Variants in LHFPL2 observed in about 807,000 individuals in gnomAD.
LHFPL2 encodes LHFPL tetraspan subfamily member 2.
A neutral mutation model predicts 17.5 loss-of-function variants in LHFPL2; 7 were observed. The observed-to-expected ratio is 0.40, with a 90% CI of 0.23 to 0.75. The LOEUF (loss-of-function observed/expected upper bound fraction) is 0.75, where lower values mean the gene tolerates loss of function less well. Among genes scored for constraint, LHFPL2 ranks in the 30% least tolerant of loss-of-function variants. The pLI is 0.37. For synonymous variants in LHFPL2, 134 were observed against 116.2 expected (o/e 1.15, Z -0.99); for missense variants, 241 against 294.8 (o/e 0.82, Z 1.34).
At chr5:78,529,116 A>AG (rs2112354691) in intron 3 of LHFPL2, among the ~76,000 whole-genome samples, 1 of 151,970 alleles carries the variant, frequency 6.6e-6, no homozygotes, top group East Asian at 1.9e-4. Flanking sequence ...GTCTCTGAAA[A>AG]AAAAAAAAAG....
chr5:78,639,208 C>T (rs906255853), intron 1 of LHFPL2, among the ~76,000 whole-genome samples: 4 of 152,174 alleles, frequency 2.6e-5, no homozygotes, highest in African/African-American at 4.8e-5. Context: ...GTGGCCTCTT[C>T]ACCCATACTG....
intron 2 of LHFPL2, among the ~76,000 whole-genome samples, chr5:78,582,652 A>T: frequency 6.6e-6 from 1 of 152,124 alleles, no homozygotes; most frequent in Admixed American, 6.5e-5. Context: ...TCTGAGAGAC[A>T]GTTTGTTATA....
intron 4 of LHFPL2, among the ~76,000 whole-genome samples, chr5:78,497,599 GAATGAA>G (rs1754647457): frequency 6.6e-6 from 1 of 152,218 alleles, no homozygotes; most frequent in South Asian, 2.1e-4. Context: ...TTGAATGGAT[GAATGAA>G]AAGATAAGGT....
Position 78,486,434 on chromosome 5 carries a change from T to G in LHFPL2, c.*2463A>C, listed in dbSNP as rs917799822. Reference sequence around the variant, plus strand: ...GCCAACAATCTATTTTTAACATTTCTTTCTAGCATATTCCTCATACCCAGT... The same window carrying G: ...GCCAACAATCTATTTTTAACATTTCGTTCTAGCATATTCCTCATACCCAGT... On this transcript the variant is annotated 3_prime_UTR_variant, in exon 5 of 5. Transcript: ENST00000380345. 6.6e-6 allele frequency: 1 copy of G among 152,366 alleles called. No homozygotes were observed. Among genetic ancestry groups the G allele is most frequent in the Admixed American group, 6.5e-5 (1 of 15,304 alleles). The allele number at this position is 152,366 out of a possible 1,614,324, so 9.4% of individuals were successfully genotyped here.
chr5:78,520,878 T>C (rs1424306185), intron 3 of LHFPL2, among the ~76,000 whole-genome samples: 1 of 152,256 alleles, frequency 6.6e-6, no homozygotes, highest in Non-Finnish European at 1.5e-5. Context: ...AAAGGACCCT[T>C]ACTCAGTTCT....
At chr5:78,626,070 A>G (rs141725815) in intron 2 of LHFPL2, 2 of 152,404 alleles carry the variant, frequency 1.3e-5, no homozygotes, top group African/African-American at 2.4e-5. Flanking sequence ...TTTTCATCCC[A>G]GAGTTATTAA....
chr5:78,603,528 T>C (rs1744100475), intron 2 of LHFPL2, among the ~76,000 whole-genome samples: 1 of 152,138 alleles, frequency 6.6e-6, no homozygotes, highest in Admixed American at 6.5e-5. Context: ...AAACTTCTCT[T>C]TGGAGAAATA....
intron 3 of LHFPL2, among the ~76,000 whole-genome samples, chr5:78,518,863 G>C (rs769467603): frequency 6.6e-6 from 1 of 152,242 alleles, no homozygotes; most frequent in Non-Finnish European, 1.5e-5. Flanking sequence ...GTGAGGCATA[G>C]TAAACAGAGA....
At chr5:78,609,425 T>C (rs1000058102) in intron 2 of LHFPL2, among the ~76,000 whole-genome samples, 7 of 114,354 alleles carry the variant, frequency 6.1e-5, no homozygotes, top group Non-Finnish European at 1.1e-4. Context: ...CACTTTAGCC[T>C]GGGAAACAGA....
intron 3 of LHFPL2, among the ~76,000 whole-genome samples, chr5:78,541,901 C>T (rs1029437588): frequency 6.6e-6 from 1 of 152,148 alleles, no homozygotes; most frequent in South Asian, 2.1e-4. Context: ...AAGCCAGAAC[C>T]ACAGTGGTTA....
chr5:78,503,572 C>T (rs1040745572), intron 4 of LHFPL2, among the ~76,000 whole-genome samples: 1 of 152,234 alleles, frequency 6.6e-6, no homozygotes, highest in Middle Eastern at 3.4e-3. Context: ...GTGGCAGGTG[C>T]CTGTAATCCC....
intron 2 of LHFPL2, among the ~76,000 whole-genome samples, chr5:78,583,024 C>A (rs1189247149): frequency 2.0e-5 from 3 of 152,130 alleles, no homozygotes; most frequent in Admixed American, 6.5e-5. Context: ...TGAATTTATC[C>A]CTTTAGCATT....
At chr5:78,548,500 A>G in intron 3 of LHFPL2, among the ~76,000 whole-genome samples, 1 of 152,348 alleles carries the variant, frequency 6.6e-6, no homozygotes, top group South Asian at 2.1e-4. Context: ...GGTCTATGAA[A>G]GGAACACTGG....
chr5:78,534,485 C>A (rs2112363893), intron 3 of LHFPL2, among the ~76,000 whole-genome samples: 1 of 152,284 alleles, frequency 6.6e-6, no homozygotes, highest in Middle Eastern at 3.4e-3. Flanking sequence ...GTCTATGACT[C>A]CCCCATTCCG....
At chr5:78,509,292 A>G (rs1484006866) in intron 4 of LHFPL2, among the ~76,000 whole-genome samples, 3 of 152,144 alleles carry the variant, frequency 2.0e-5, no homozygotes, top group Non-Finnish European at 4.4e-5. Flanking sequence ...TTTCCCACCC[A>G]AGCTGAAATC....
At chr5:78,551,460 G>T (rs1337175026) in intron 3 of LHFPL2, among the ~76,000 whole-genome samples, 3 of 152,116 alleles carry the variant, frequency 2.0e-5, no homozygotes, top group African/African-American at 7.2e-5. Flanking sequence ...GTATCTGGGG[G>T]CCACTTCAGC....
At chr5:78,512,834 G>A (rs1186074517) in intron 3 of LHFPL2, among the ~76,000 whole-genome samples, 2 of 149,640 alleles carry the variant, frequency 1.3e-5, no homozygotes, top group South Asian at 2.1e-4. Flanking sequence ...GCATGATCTC[G>A]GCTCACTGCA....
At chr5:78,611,919 C>T (rs1052288272) in intron 2 of LHFPL2, among the ~76,000 whole-genome samples, 2 of 152,142 alleles carry the variant, frequency 1.3e-5, no homozygotes, top group South Asian at 2.1e-4. Flanking sequence ...GTTCTGAGAA[C>T]GCATGCACAC....
chr5:78,542,100 A>G (rs1035611978), intron 3 of LHFPL2, among the ~76,000 whole-genome samples: 3 of 150,118 alleles, frequency 2.0e-5, no homozygotes, highest in African/African-American at 7.3e-5. Flanking sequence ...GTTTTAAAAG[A>G]CCACTGTCAT....
Sources: allele counts gnomAD v4.1 joint callset (sites outside exome capture counted in the v4.1 genomes callset), GRCh38; gene constraint gnomAD v4.1.1; transcripts MANE v1.5; gene names NCBI Gene and HGNC (gene_info 2026-07-23, HGNC 2026-07-21).